Variants in EIF2D observed in about 807,000 individuals in gnomAD.
EIF2D encodes the protein eukaryotic translation initiation factor 2D, also known as hepatocellular carcinoma-associated antigen 56.
EIF2D carries 56 observed loss-of-function variants against 77.4 expected under a neutral mutation model. The ratio of observed to expected loss-of-function variants is 0.72; its 90% CI spans 0.58 to 0.90. The LOEUF is 0.90. Among genes scored for constraint, EIF2D ranks in the 40% least tolerant of loss-of-function variants. The pLI is 0.00. For missense variants in EIF2D, 574 were observed against 706.5 expected, an observed-to-expected ratio of 0.81 and a Z score of 2.13; for synonymous variants, 230 against 271.0, an observed-to-expected ratio of 0.85 and a Z score of 1.49.
rs61611251 is a variant in EIF2D at position 206,599,987 on chromosome 1, C to T, written c.949-151G>A. The T allele has an allele frequency of 1.3e-6, 1 of 791,336 alleles. No individual in the cohort carries two copies. The allele number at this position is 791,336 out of a possible 1,614,324, so 49.0% of individuals were successfully genotyped here. On this transcript the variant is annotated intron_variant, in intron 8 of 14. Coordinates refer to ENST00000271764, the MANE Select transcript of EIF2D (RefSeq NM_006893.3). This position sits in a 1 kb window ranked among gnomAD's most constrained non-coding sequence, Gnocchi z 4.1. ...AACCAGGAACTGGGAGGCCCCCAACCTGAGGGCCAGGGAGCAAGAAGCTGC... is the reference window on the plus strand; with the variant it reads ...AACCAGGAACTGGGAGGCCCCCAACTTGAGGGCCAGGGAGCAAGAAGCTGC...
At chr1:206,587,151 AGCTGTGCCCGCCCCCAG>A (rs570505466), downstream of EIF2D, 965 of 732,776 alleles carry the variant, frequency 1.3e-3, 2 homozygotes, top group Non-Finnish European at 1.7e-3. Flanking sequence ...ACGAGGGTTC[AGCTGTGCCCGCCCCCAG>A]GCTGTGCCCC....
At chr1:206,593,508 A>AGAGAGTGT (rs10533643) in intron 14 of EIF2D, 111 bp downstream of exon 14, 56 of 401,568 alleles carry the variant, frequency 1.4e-4, no homozygotes, top group African/African-American at 4.9e-4. Context: ...AGAGAGAGAG[A>AGAGAGTGT]GTGTGTGTGT....
At position 206,608,225 on chromosome 1, in the gene EIF2D, T is replaced by C; in HGVS notation, c.422+11A>G. 1.2e-6 allele frequency: 2 copies of C among 1,608,516 alleles called. No homozygotes were observed. Among genetic ancestry groups the C allele is most frequent in the Non-Finnish European group, 1.7e-6 (2 of 1,177,040 alleles). On this transcript the variant is annotated intron_variant, in intron 4 of 14. Transcript: ENST00000271764. ...TTTTTCCCCCAAAGGCACAGTTGCC[T>C]GGCACAGTACCTGTTCCCCACCAAA...
downstream of EIF2D, among the ~76,000 whole-genome samples, chr1:206,591,069 A>G (rs1378720942): frequency 6.6e-6 from 1 of 152,316 alleles, no homozygotes; most frequent in Non-Finnish European, 1.5e-5. Context: ...CTAAAGACCT[A>G]TTAAAGACCC....
downstream of EIF2D, chr1:206,586,905 T>TA: frequency 6.2e-7 from 1 of 1,614,150 alleles, no homozygotes; most frequent in Non-Finnish European, 8.5e-7. Context: ...ATCCAACAAG[T>TA]GCAAAAGAAG....
rs575852354 is a variant in EIF2D at position 206,594,421 on chromosome 1, A to T, written c.1510-628T>A. On this transcript the variant is annotated intron_variant, in intron 13 of 14. Transcript: ENST00000271764. ...ACAAGTATGTGACTTTGAGATAAAAAAGAAAAATGTTAGTGCTTTTAAAAT... is the reference window on the plus strand; with the variant it reads ...ACAAGTATGTGACTTTGAGATAAAATAGAAAAATGTTAGTGCTTTTAAAAT... The T allele has an allele frequency of 2.6e-5, 4 of 152,384 alleles. 1 individual carries two copies. The South Asian group carries it at 8.3e-4, about 32-fold the overall frequency. The allele number at this position is 152,384 out of a possible 1,614,324, so 9.4% of individuals were successfully genotyped here.
chr1:206,577,491 T>C (rs942272492), intron 4 of EIF2D, among the ~76,000 whole-genome samples: 5 of 152,246 alleles, frequency 3.3e-5, no homozygotes, highest in Non-Finnish European at 5.9e-5. Flanking sequence ...AAGGGATTTT[T>C]ATCCCAAATG....
chr1:206,608,602 G>T (rs540808374), intron 3 of EIF2D, among the ~76,000 whole-genome samples: 5 of 152,322 alleles, frequency 3.3e-5, no homozygotes, highest in African/African-American at 1.2e-4. Flanking sequence ...TCCTGGCCGG[G>T]CGCAGTGCCT....
intron 4 of EIF2D, among the ~76,000 whole-genome samples, chr1:206,575,026 T>C (rs558444945): frequency 6.3e-5 from 7 of 111,714 alleles, no homozygotes; most frequent in Non-Finnish European, 1.0e-4. Flanking sequence ...TTTTTTGTTT[T>C]TGTTTTTGTT....
In EIF2D at chr1:206,593,492, A is replaced by AGC. The variant is rs1669471986; in HGVS notation, c.1684+126_1684+127insGC. On this transcript the variant is annotated intron_variant, in intron 14 of 14. Coordinates refer to ENST00000271764, the MANE Select transcript of EIF2D (RefSeq NM_006893.3). The stretch of plus-strand genomic sequence containing the variant: ...GAGAGAGAGAGAGAGAGAGAGCGAG[A>AGC]GAGAGAGAGAGAGAGAGTGTGTGTG... 5 of 386,706 alleles carry AGC rather than the reference A, an allele frequency of 1.3e-5. No homozygotes were observed. In the African/African-American group the frequency reaches 1.4e-4, roughly 11 times the overall value. The allele number at this position is 386,706 out of a possible 1,614,324, so 24.0% of individuals were successfully genotyped here. A position where few individuals can be genotyped will look rare whatever the true frequency, so the allele number is the denominator to read the frequency against.
At chr1:206,597,554 C>T (rs1669709657) in intron 11 of EIF2D, among the ~76,000 whole-genome samples, 1 of 152,194 alleles carries the variant, frequency 6.6e-6, no homozygotes, top group African/African-American at 2.4e-5. Flanking sequence ...CAGTGGCTCA[C>T]GCCTGTAATC....
intron 4 of EIF2D, among the ~76,000 whole-genome samples, chr1:206,573,193 G>A (rs1668511436): frequency 1.3e-5 from 2 of 152,208 alleles, no homozygotes; most frequent in Non-Finnish European, 1.5e-5. Flanking sequence ...CCGTGTGGTG[G>A]CTCATGCCTG....
At chr1:206,575,994 T>C (rs1338716536) in intron 4 of EIF2D, among the ~76,000 whole-genome samples, 3 of 152,184 alleles carry the variant, frequency 2.0e-5, no homozygotes, top group Non-Finnish European at 4.4e-5. Flanking sequence ...TGCCCTCCCC[T>C]GCCACCCAAT....
At chr1:206,585,596 A>G in intron 2 of EIF2D, 1 of 244,820 alleles carries the variant, frequency 4.1e-6, no homozygotes, top group Non-Finnish European at 8.1e-6. Context: ...CCCTGTGCTC[A>G]GGCACAGGCT....
chr1:206,607,737 A>G (rs1348647487), intron 4 of EIF2D, among the ~76,000 whole-genome samples: 2 of 152,242 alleles, frequency 1.3e-5, no homozygotes, highest in Admixed American at 1.3e-4. Context: ...CTAAGGAGAC[A>G]TGACAACTAA....
At chr1:206,596,773 C>A (rs2102281140) in intron 12 of EIF2D, among the ~76,000 whole-genome samples, 1 of 152,190 alleles carries the variant, frequency 6.6e-6, no homozygotes, top group Non-Finnish European at 1.5e-5. Context: ...GCAGCCTCCA[C>A]CTCCTGGGCC....
rs1553410784 is a variant in EIF2D, at chr1:206,599,292, T to G, written c.1202+171A>C. Among the ~76,000 whole-genome samples the G allele has an allele frequency of 6.6e-6, 1 of 152,192 alleles. No individual in the cohort carries two copies. The highest frequency in any genetic ancestry group is 1.5e-5 in the Non-Finnish European group (1 of 68,032). ...AAAAGGGTGAGACCTACTCGTTCATTTAGTCCAGAGGAACTTGCCCAGGGA... is the reference window on the plus strand; with the variant it reads ...AAAAGGGTGAGACCTACTCGTTCATGTAGTCCAGAGGAACTTGCCCAGGGA... On this transcript the variant is annotated intron_variant, in intron 10 of 14. Transcript: ENST00000271764. This position sits in a 1 kb window ranked among gnomAD's most constrained non-coding sequence, Gnocchi z 4.1.
intron 4 of EIF2D, among the ~76,000 whole-genome samples, chr1:206,606,611 G>T (rs1670213911): frequency 6.6e-6 from 1 of 152,138 alleles, no homozygotes; most frequent in African/African-American, 2.4e-5. Context: ...TCTGCTACAG[G>T]TAAACAGAAG....
In EIF2D at chr1:206,612,446, G is replaced by A; in HGVS notation, c.-104C>T. 1 of 1,486,720 alleles carries A rather than the reference G, an allele frequency of 6.7e-7. No individual in the cohort carries two copies. The highest frequency in any genetic ancestry group is 1.1e-5 in the South Asian group (1 of 88,110). The allele number at this position is 1,486,720 out of a possible 1,614,324, so 92.1% of individuals were successfully genotyped here. A position where few individuals can be genotyped will look rare whatever the true frequency, so the allele number is the denominator to read the frequency against. ...CCTCAGCCGTGGGGGCAGCCATGCT[G>A]GGGCCCGGCCGCGAAAAGGGCCCGG... On this transcript the variant is annotated 5_prime_UTR_variant, in exon 1 of 15. Transcript: ENST00000271764.
Sources: allele counts gnomAD v4.1 joint callset (sites outside exome capture counted in the v4.1 genomes callset), GRCh38; gene constraint gnomAD v4.1.1; non-coding constraint Gnocchi (gnomAD v3.1); transcripts MANE v1.5; gene names NCBI Gene and HGNC (gene_info 2026-07-23, HGNC 2026-07-21).